The following MET variants were observed in gnomAD, a reference collection of about 807,000 sequenced individuals.
MET encodes the protein MET proto-oncogene, receptor tyrosine kinase.
Under a neutral mutation model 133.1 loss-of-function variants are expected in MET, and 48 were observed. The observed-to-expected ratio is 0.36, with a 90% CI of 0.29 to 0.46. The LOEUF (loss-of-function observed/expected upper bound fraction) is 0.46. Among genes scored for constraint, MET ranks in the 20% least tolerant of loss-of-function variants. The pLI, the probability that MET is intolerant of heterozygous loss-of-function variation, is 1.00. For missense variants in MET, 1,442 were observed against 1,695.9 expected, an observed-to-expected ratio of 0.85 and a Z score of 2.63; for synonymous variants, 628 against 616.5, an observed-to-expected ratio of 1.02 and a Z score of -0.28.
intron 2 of MET, among the ~76,000 whole-genome samples, chr7:116,731,268 T>A (rs1207721175): frequency 6.6e-6 from 1 of 152,204 alleles, no homozygotes; most frequent in Non-Finnish European, 1.5e-5. Flanking sequence ...CATTTAAAAA[T>A]ATAATGTCAG....
chr7:116,732,494 C>T (rs1323467002), intron 3 of MET, among the ~76,000 whole-genome samples: 2 of 152,184 alleles, frequency 1.3e-5, no homozygotes, highest in Non-Finnish European at 2.9e-5. Flanking sequence ...AGAACCATAG[C>T]ACTTTGCAGA....
chr7:116,745,066 G>A (rs1182074623), intron 5 of MET, among the ~76,000 whole-genome samples: 1 of 152,222 alleles, frequency 6.6e-6, no homozygotes, highest in African/African-American at 2.4e-5. Flanking sequence ...AAGCTGATAA[G>A]CAACTTTAGC....
intron 1 of MET, among the ~76,000 whole-genome samples, chr7:116,675,132 A>C (rs990065840): frequency 6.6e-6 from 1 of 152,266 alleles, no homozygotes; most frequent in Non-Finnish European, 1.5e-5. Flanking sequence ...ACACTGACTA[A>C]TGTTAGTTCA....
intron 1 of MET, among the ~76,000 whole-genome samples, chr7:116,676,064 G>GA (rs1360640194): frequency 2.6e-5 from 4 of 152,134 alleles, no homozygotes; most frequent in Non-Finnish European, 5.9e-5. Context: ...TTAATTGAGA[G>GA]AAAAAATCAC....
chr7:116,739,376 T>C (rs1429361957), intron 3 of MET, among the ~76,000 whole-genome samples: 1 of 152,056 alleles, frequency 6.6e-6, no homozygotes, highest in African/African-American at 2.4e-5. Context: ...CAAGTAATAA[T>C]ATATTGTGGG....
Position 116,739,965 on chromosome 7 carries a change from T to A in MET, c.1408T>A (p.Ser470Thr), listed in dbSNP as rs1484724510. 3.1e-6 allele frequency: 5 copies of A among 1,614,010 alleles called. No individual in the cohort carries two copies. Among genetic ancestry groups the A allele is most frequent in the African/African-American group, 1.3e-5 (1 of 74,916 alleles). ...GRFMQVVVSR[S>T]GPSTPHVNFL... The stretch of plus-strand genomic sequence containing the variant: ...TGCTGTTTAGGTTGTGGTTTCTCGA[T>A]CAGGACCATCAACCCCTCATGTGAA... Residue 470 changes from serine to threonine, a missense_variant, in exon 4 of 21, where the codon TCA becomes ACA. This residue lies in a region of MET where 762 missense variants were observed against 792.4 expected (regional missense o/e 0.96). Transcript: ENST00000397752.
At position 116,731,817 on chromosome 7, in the gene MET, C is replaced by T. The variant is rs2116783338; in HGVS notation, c.1350C>T (p.Leu450=). Residue 450 remains leucine (L), a synonymous_variant, in exon 3 of 21, where the codon CTC becomes CTT. Coordinates refer to ENST00000397752, the MANE Select transcript of MET (RefSeq NM_000245.4). ...TSISTFIKGD[L]TIANLGTSEG... ...TATCCACCTTCATTAAAGGAGACCT[C>T]ACCATAGCTAATCTTGGGACATCAG... 6.2e-7 allele frequency: 1 copy of T among 1,614,120 alleles called. No homozygotes were observed. Among genetic ancestry groups the T allele is most frequent in the Non-Finnish European group, 8.5e-7 (1 of 1,179,974 alleles).
At chr7:116,788,652 T>G (rs139591994) in intron 19 of MET, among the ~76,000 whole-genome samples, 1 of 152,380 alleles carries the variant, frequency 6.6e-6, no homozygotes, top group Non-Finnish European at 1.5e-5. Flanking sequence ...CTGAATAATC[T>G]GTACATAATG....
chr7:116,688,089 G>A (rs1021309404), intron 1 of MET, among the ~76,000 whole-genome samples: 5 of 152,256 alleles, frequency 3.3e-5, no homozygotes, highest in African/African-American at 1.2e-4. Context: ...ACGGAGGGAG[G>A]GGATGTCTGA....
rs2117031188 is a variant in MET at position 116,775,017 on chromosome 7, C to T, written c.3165C>T (p.Leu1055=). 6.2e-7 allele frequency: 1 copy of T among 1,614,194 alleles called. No homozygotes were observed. The highest frequency in any genetic ancestry group is 8.5e-7 in the Non-Finnish European group (1 of 1,180,030). ...TGCAAAATACTGTCCACATTGACCTCAGTGCTCTAAATCCAGAGCTGGTCC... is the reference window on the plus strand; with the variant it reads ...TGCAAAATACTGTCCACATTGACCTTAGTGCTCTAAATCCAGAGCTGGTCC... ...PLLQNTVHID[L]SALNPELVQA... Residue 1055 remains leucine, a synonymous_variant, in exon 15 of 21, where the codon CTC becomes CTT. Transcript: ENST00000397752.
rs1424157003 is a variant in MET, at chr7:116,783,293, C to T, written c.3633-11C>T. ...TTCAGCCACGGGTAATAATTTTTGT[C>T]CTTTCTGTAGGCTGGATGAAAAATT... is the stretch of plus-strand genomic sequence containing the variant. On this transcript the variant is annotated splice_polypyrimidine_tract_variant and intron_variant, in intron 18 of 20. Coordinates refer to ENST00000397752, the MANE Select transcript of MET (RefSeq NM_000245.4). 6 of 1,613,906 alleles carry T rather than the reference C, an allele frequency of 3.7e-6. No homozygotes were observed. The highest frequency in any genetic ancestry group is 3.3e-4 in the Middle Eastern group (2 of 6,082).
At chr7:116,791,927 C>G (rs1168429884) in intron 19 of MET, among the ~76,000 whole-genome samples, 2 of 152,070 alleles carry the variant, frequency 1.3e-5, no homozygotes, top group African/African-American at 4.8e-5. Context: ...GTGCTGGGAT[C>G]ACAGGCATGA....
At chr7:116,721,569 G>T (rs901607487) in intron 2 of MET, among the ~76,000 whole-genome samples, 8 of 152,030 alleles carry the variant, frequency 5.3e-5, no homozygotes, top group Admixed American at 1.3e-4. Context: ...TCTTTTAATT[G>T]TGATGTTAGG....
At chr7:116,677,731 T>G (rs954929033) in intron 1 of MET, among the ~76,000 whole-genome samples, 1 of 152,210 alleles carries the variant, frequency 6.6e-6, no homozygotes, top group African/African-American at 2.4e-5. Context: ...CTAAACAAAT[T>G]TTTTAAAACC....
intron 16 of MET, among the ~76,000 whole-genome samples, chr7:116,778,236 A>T (rs748207507): frequency 2.6e-5 from 4 of 152,214 alleles, no homozygotes; most frequent in Non-Finnish European, 4.4e-5. Context: ...CAGGTCTCAC[A>T]TGCTTGCGTT....
intron 2 of MET, among the ~76,000 whole-genome samples, chr7:116,727,615 C>A (rs992620810): frequency 6.6e-5 from 10 of 152,170 alleles, no homozygotes; most frequent in South Asian, 6.2e-4. Context: ...TCCCAGAGAA[C>A]TGCTTTCTGC....
chr7:116,730,869 A>G (rs1351402141), intron 2 of MET, among the ~76,000 whole-genome samples: 1 of 152,174 alleles, frequency 6.6e-6, no homozygotes, highest in East Asian at 1.9e-4. Flanking sequence ...GATGTTATCT[A>G]CAAGTGCTGG....
intron 1 of MET, among the ~76,000 whole-genome samples, chr7:116,686,411 C>A (rs1796559353): frequency 1.3e-5 from 2 of 152,202 alleles, no homozygotes; most frequent in African/African-American, 4.8e-5. Flanking sequence ...ATCCCCATAC[C>A]TCTCCTCCAG....
chr7:116,712,755 AAAG>A (rs1399040652), intron 2 of MET, among the ~76,000 whole-genome samples: 2 of 152,034 alleles, frequency 1.3e-5, no homozygotes, highest in African/African-American at 4.8e-5. Context: ...ATCAAAGAAC[AAAG>A]AAGAAGAAAA....
Sources: allele counts gnomAD v4.1 joint callset (sites outside exome capture counted in the v4.1 genomes callset), GRCh38; gene constraint gnomAD v4.1.1; regional missense constraint gnomAD v4.1.1; transcripts MANE v1.5; gene names NCBI Gene and HGNC (gene_info 2026-07-23, HGNC 2026-07-21).